Variants in IQCH observed in about 807,000 individuals in gnomAD.
IQCH encodes the protein IQ domain-containing protein H.
Under a neutral mutation model 117.0 loss-of-function variants are expected in IQCH, and 98 were observed. The observed-to-expected ratio is 0.84, with a 90% CI of 0.71 to 0.99. The LOEUF (loss-of-function observed/expected upper bound fraction) is 0.99. IQCH is among the 50% of genes least tolerant of loss of function. IQCH has a pLI of 0.00. For synonymous variants in IQCH, 412 were observed against 448.2 expected, an observed-to-expected ratio of 0.92 and a Z score of 1.02; for missense variants, 1,102 against 1,243.8, an observed-to-expected ratio of 0.89 and a Z score of 1.72.
In IQCH at chr15:67,357,380, C is replaced by G. The variant is rs1969934516; in HGVS notation, c.673C>G (p.Pro225Ala). ...FTIPREPPPS[P>A]AEVKFFPKKQ... Reference sequence around the variant, plus strand: ...TATACCTCGGGAACCACCTCCATCTCCAGCAGAAGTGAAGTTCTTTCCCAA... The same window carrying G: ...TATACCTCGGGAACCACCTCCATCTGCAGCAGAAGTGAAGTTCTTTCCCAA... Residue 225 changes from proline (P) to alanine (A), a missense_variant, in exon 7 of 21, where the codon CCA becomes GCA. Pro to Ala is a conservative substitution (Grantham distance 27). This residue lies in a region of IQCH where 452 missense variants were observed against 449.6 expected (regional missense o/e 1.01). Transcript: ENST00000335894. 1 of 1,611,060 alleles carries G rather than the reference C, an allele frequency of 6.2e-7. No homozygotes were observed. Among genetic ancestry groups the G allele is most frequent in the Non-Finnish European group, 8.5e-7 (1 of 1,177,202 alleles).
rs1313714554 is a variant in IQCH at position 67,467,345 on chromosome 15, GAGA to G, written c.2676+2051_2676+2053del. Among the ~76,000 whole-genome samples, 1 of 152,238 alleles carries G rather than the reference GAGA, an allele frequency of 6.6e-6. No homozygotes were observed. The highest frequency in any genetic ancestry group is 1.5e-5 in the Non-Finnish European group (1 of 68,044). On this transcript the variant is annotated intron_variant, in intron 17 of 20. Coordinates refer to ENST00000335894, the MANE Select transcript of IQCH (RefSeq NM_001031715.3). The surrounding 1 kb of genome is among the most constrained non-coding windows in gnomAD (Gnocchi z 5.7). ...TATCAGCAGAAGTTGTGCTTTGAGT[GAGA>G]AGCACTCTTCCATTTTCCCCATGTT...
At chr15:67,448,649 A>AGTCTTTG (rs1314010397) in intron 16 of IQCH, among the ~76,000 whole-genome samples, 1 of 152,080 alleles carries the variant, frequency 6.6e-6, no homozygotes, top group Non-Finnish European at 1.5e-5. Context: ...GTTGGTTCCA[A>AGTCTTTG]GTCTTTGCTA....
chr15:67,469,632 A>C lies in IQCH; in HGVS notation c.2676+4335A>C, dbSNP rs188501928. Among the ~76,000 whole-genome samples the C allele has an allele frequency of 1.4e-4, 22 of 152,362 alleles. No individual in the cohort carries two copies. The East Asian group carries it at 2.5e-3, about 17-fold the overall frequency. ...ACTTACCCAATGCCTATTTTGTGCC[A>C]GGCACTCTACTAAGCACAGAGGATA... On this transcript the variant is annotated intron_variant, in intron 17 of 20. Transcript: ENST00000335894.
At chr15:67,367,399 C>T (rs1970371780) in intron 8 of IQCH, among the ~76,000 whole-genome samples, 1 of 151,812 alleles carries the variant, frequency 6.6e-6, no homozygotes, top group Admixed American at 6.6e-5. Flanking sequence ...ATTAGATGGG[C>T]GTCATGACAT....
intron 4 of IQCH, among the ~76,000 whole-genome samples, chr15:67,283,620 A>T (rs1966452951): frequency 6.6e-6 from 1 of 152,112 alleles, no homozygotes; most frequent in African/African-American, 2.4e-5. Flanking sequence ...AGTAAGTGGG[A>T]AATATCTTTG....
chr15:67,340,812 C>T (rs1344264507), intron 5 of IQCH, among the ~76,000 whole-genome samples: 1 of 152,184 alleles, frequency 6.6e-6, no homozygotes, highest in East Asian at 1.9e-4. Flanking sequence ...GGAAAACATT[C>T]TGCACTCACA....
At chr15:67,287,387 G>A (rs189415377) in intron 4 of IQCH, among the ~76,000 whole-genome samples, 1 of 152,208 alleles carries the variant, frequency 6.6e-6, no homozygotes, top group East Asian at 1.9e-4. Flanking sequence ...CAACAGTGAG[G>A]TCATCGGGTA....
intron 4 of IQCH, among the ~76,000 whole-genome samples, chr15:67,332,430 A>T (rs944237805): frequency 1.3e-5 from 2 of 152,196 alleles, no homozygotes; most frequent in African/African-American, 2.4e-5. Context: ...CCCCAGATGT[A>T]ATTCAAGTAT....
In IQCH at chr15:67,280,460, G is replaced by A. The variant is rs141484107; in HGVS notation, c.387+948G>A. On this transcript the variant is annotated intron_variant, in intron 4 of 20. Transcript: ENST00000335894. ...CAAAGGTCAAGGTGCCGGCAGATCC[G>A]GTGTCTGGTGAGGTCTTTCTTCCTA... 7.0e-4 allele frequency among the ~76,000 whole-genome samples: 106 copies of A among 152,286 alleles called. 4 individuals are homozygous for A. The East Asian group carries it at 0.012, about 17-fold the overall frequency.
At chr15:67,315,443 A>G (rs923055925) in intron 4 of IQCH, among the ~76,000 whole-genome samples, 7 of 152,252 alleles carry the variant, frequency 4.6e-5, no homozygotes, top group South Asian at 2.1e-4. Context: ...TCAACTTTTT[A>G]TAATAAATAT....
At chr15:67,492,723 C>CAGGGGT (rs2083694429) in intron 19 of IQCH, among the ~76,000 whole-genome samples, 3 of 152,076 alleles carry the variant, frequency 2.0e-5, no homozygotes, top group Admixed American at 1.3e-4. Context: ...TGGGATGAGA[C>CAGGGGT]AGGGGTAGTA....
intron 4 of IQCH, among the ~76,000 whole-genome samples, chr15:67,297,669 A>G (rs1210907747): frequency 2.6e-5 from 4 of 152,154 alleles, no homozygotes; most frequent in African/African-American, 9.7e-5. Flanking sequence ...TTGTCTTTAA[A>G]TTGTCATTCT....
rs1970057849 is a variant in IQCH at position 67,359,820 on chromosome 15, T to C, written c.715-27T>C. Reference sequence around the variant, plus strand: ...ATTGCCCATGAGAGTCGTTTTGATTTAAACTGTGTCTCATTCTTCATTGTA... The same window carrying C: ...ATTGCCCATGAGAGTCGTTTTGATTCAAACTGTGTCTCATTCTTCATTGTA... On this transcript the variant is annotated intron_variant, in intron 7 of 20. Transcript: ENST00000335894. This position sits in a 1 kb window ranked among gnomAD's most constrained non-coding sequence, Gnocchi z 4.5. The C allele has an allele frequency of 6.3e-7, 1 of 1,596,058 alleles. No individual in the cohort carries two copies. The highest frequency in any genetic ancestry group is 8.6e-7 in the Non-Finnish European group (1 of 1,163,562).
In IQCH at chr15:67,491,877, CAAT is replaced by C. The variant is rs943516693; in HGVS notation, c.2861+1814_2861+1816del. Among the ~76,000 whole-genome samples, 3 of 151,840 alleles carry C rather than the reference CAAT, an allele frequency of 2.0e-5. No individual in the cohort carries two copies. Among genetic ancestry groups the C allele is most frequent in the South Asian group, 2.1e-4 (1 of 4,810 alleles). ...ACAGTTCTAGGTGCTGGGGAAACAA[CAAT>C]GAGCCCTGCCCTCAGGAAGCTGCCA... On this transcript the variant is annotated intron_variant, in intron 19 of 20. Transcript: ENST00000335894. This position sits in a 1 kb window ranked among gnomAD's most constrained non-coding sequence, Gnocchi z 4.9.
intron 13 of IQCH, among the ~76,000 whole-genome samples, chr15:67,398,077 A>G (rs1330676146): frequency 6.6e-6 from 1 of 152,190 alleles, no homozygotes; most frequent in African/African-American, 2.4e-5. Context: ...GGATCCATCA[A>G]CAGATGCCCA....
intron 4 of IQCH, among the ~76,000 whole-genome samples, chr15:67,295,744 G>T (rs1310344666): frequency 6.6e-6 from 1 of 152,124 alleles, no homozygotes; most frequent in East Asian, 1.9e-4. Context: ...AGTCTTTCTA[G>T]GTCAAGATGT....
At chr15:67,283,178 A>G (rs1247728516) in intron 4 of IQCH, among the ~76,000 whole-genome samples, 1 of 152,220 alleles carries the variant, frequency 6.6e-6, no homozygotes, top group South Asian at 2.1e-4. Context: ...CAAACATAAT[A>G]TGAAGATGTA....
intron 4 of IQCH, among the ~76,000 whole-genome samples, chr15:67,324,525 G>T (rs561877415): frequency 2.0e-5 from 3 of 149,972 alleles, no homozygotes; most frequent in Non-Finnish European, 4.4e-5. Flanking sequence ...CAGGAGAATT[G>T]CTTGAACCCA....
At chr15:67,434,651 GT>G (rs780335461) in intron 16 of IQCH, among the ~76,000 whole-genome samples, 239 of 152,244 alleles carry the variant, frequency 1.6e-3, no homozygotes, top group Non-Finnish European at 2.5e-3. Context: ...GTAGTTCTGT[GT>G]TTAAGTTTTT....
Sources: gnomAD v4.1 joint callset for allele counts (sites outside exome capture counted in the v4.1 genomes callset) on GRCh38, gnomAD v4.1.1 for gene constraint, gnomAD v4.1.1 regional missense constraint, Gnocchi (gnomAD v3.1) non-coding constraint, MANE v1.5 for transcripts, NCBI Gene and HGNC (gene_info 2026-07-23, HGNC 2026-07-21) for gene names.